The following LRP1B variants were observed in gnomAD, a reference collection of about 807,000 sequenced individuals.
LRP1B encodes the protein low-density lipoprotein receptor-related protein 1B.
A neutral mutation model predicts 556.6 loss-of-function variants in LRP1B; 217 were observed. The observed-to-expected ratio is 0.39, with a 90% CI of 0.35 to 0.44. The LOEUF is 0.44. Ranked by LOEUF, LRP1B falls within the 20% of genes least tolerant of loss-of-function variation. The pLI, the probability that LRP1B is intolerant of heterozygous loss-of-function variation, is 1.00. For missense variants in LRP1B, 5,053 were observed against 5,620.8 expected (o/e 0.90, Z 3.23); for synonymous variants, 2,047 against 1,865.8 (o/e 1.10, Z -2.50).
At chr2:140,646,894 A>G (rs1300178139) in intron 41 of LRP1B, among the ~76,000 whole-genome samples, 1 of 152,180 alleles carries the variant, frequency 6.6e-6, no homozygotes, top group Non-Finnish European at 1.5e-5. Context: ...ACACATATAT[A>G]TGTACATATG....
intron 3 of LRP1B, among the ~76,000 whole-genome samples, chr2:141,331,574 T>C (rs1297996528): frequency 5.3e-5 from 7 of 132,278 alleles, no homozygotes. Context: ...GGAGGGGGAA[T>C]TTCTAATCTT....
intron 3 of LRP1B, among the ~76,000 whole-genome samples, chr2:141,351,098 C>T (rs1018053701): frequency 6.6e-6 from 1 of 151,984 alleles, no homozygotes; most frequent in Non-Finnish European, 1.5e-5. Flanking sequence ...TATCGCCACA[C>T]CAACATGCAC....
chr2:141,657,847 C>T (rs1368051123), intron 2 of LRP1B, among the ~76,000 whole-genome samples: 1 of 152,132 alleles, frequency 6.6e-6, no homozygotes, highest in Non-Finnish European at 1.5e-5. Flanking sequence ...AGTAAAACAT[C>T]CTCCTTTATT....
chr2:140,328,041 GAATC>G (rs777585594), intron 79 of LRP1B, among the ~76,000 whole-genome samples: 2 of 151,878 alleles, frequency 1.3e-5, no homozygotes, highest in Non-Finnish European at 2.9e-5. Context: ...ACAGAGATGA[GAATC>G]AAGTTTATAT....
intron 66 of LRP1B, among the ~76,000 whole-genome samples, chr2:140,419,271 G>A (rs1685332989): frequency 6.6e-6 from 1 of 152,128 alleles, no homozygotes; most frequent in Admixed American, 6.6e-5. Flanking sequence ...CCAAAAATGT[G>A]TGCATTAACA....
chr2:140,245,124 A>G (rs1681096005), intron 87 of LRP1B, among the ~76,000 whole-genome samples: 1 of 151,414 alleles, frequency 6.6e-6, no homozygotes. Context: ...TTCAAAATGC[A>G]TTGATAGTTC....
chr2:141,913,378 T>C (rs1022699899), intron 1 of LRP1B, among the ~76,000 whole-genome samples: 7 of 152,170 alleles, frequency 4.6e-5, no homozygotes, highest in African/African-American at 7.2e-5. Context: ...AATGAATGTA[T>C]GTATTTTCTT....
At chr2:140,632,361 G>A (rs1683917391) in intron 41 of LRP1B, among the ~76,000 whole-genome samples, 2 of 152,112 alleles carry the variant, frequency 1.3e-5, no homozygotes, top group South Asian at 4.1e-4. Flanking sequence ...TGTTTTAAGG[G>A]ATGTGAAGAA....
At chr2:141,680,053 A>G (rs1269131937) in intron 2 of LRP1B, among the ~76,000 whole-genome samples, 1 of 152,040 alleles carries the variant, frequency 6.6e-6, no homozygotes, top group East Asian at 1.9e-4. Context: ...AAAAGAGCCT[A>G]AGAAAATTTC....
At chr2:141,895,430 A>G (rs549983322) in intron 1 of LRP1B, among the ~76,000 whole-genome samples, 1 of 152,208 alleles carries the variant, frequency 6.6e-6, no homozygotes, top group African/African-American at 2.4e-5. Flanking sequence ...TATTTCATTA[A>G]GAAGACTTAC....
intron 1 of LRP1B, among the ~76,000 whole-genome samples, chr2:142,094,660 C>T (rs1264198798): frequency 6.6e-6 from 1 of 151,878 alleles, no homozygotes; most frequent in African/African-American, 2.4e-5. Flanking sequence ...TTAAAAATGA[C>T]TTTCTGTCCT....
chr2:140,528,768 C>G (rs1690551580), intron 47 of LRP1B, among the ~76,000 whole-genome samples: 1 of 151,536 alleles, frequency 6.6e-6, no homozygotes, highest in South Asian at 2.1e-4. Flanking sequence ...GAAGGAGAAT[C>G]CTGTGAGGAA....
chr2:141,473,770 C>CAGTGTTGA (rs1682568964), intron 3 of LRP1B, among the ~76,000 whole-genome samples: 1 of 152,054 alleles, frequency 6.6e-6, no homozygotes, highest in Non-Finnish European at 1.5e-5. Context: ...GCTTTAAGCT[C>CAGTGTTGA]AGTGTTGATG....
chr2:141,630,693 TCCTA>T (rs1688875232), intron 2 of LRP1B, among the ~76,000 whole-genome samples: 11 of 152,160 alleles, frequency 7.2e-5, no homozygotes, highest in Admixed American at 7.2e-4. Flanking sequence ...TGTAATCCCA[TCCTA>T]AATAGAGGAG....
intron 1 of LRP1B, among the ~76,000 whole-genome samples, chr2:141,877,784 C>T (rs545627336): frequency 6.6e-6 from 1 of 151,882 alleles, no homozygotes; most frequent in East Asian, 1.9e-4. Flanking sequence ...GTGGTATTCC[C>T]ATAGAAAAAT....
rs376776948 is a variant in LRP1B, at chr2:141,350,845, G to A, written c.344-96204C>T. Reference sequence around the variant, plus strand: ...ATGAGATGAGCCATAGATTTTGGCCGCCATTGGAATAAGTTATAGATGAGC... The same window carrying A: ...ATGAGATGAGCCATAGATTTTGGCCACCATTGGAATAAGTTATAGATGAGC... On this transcript the variant is annotated intron_variant, in intron 3 of 90. Coordinates refer to ENST00000389484, the MANE Select transcript of LRP1B (RefSeq NM_018557.3). 6.6e-5 allele frequency among the ~76,000 whole-genome samples: 10 copies of A among 152,070 alleles called. No individual in the cohort carries two copies. In the East Asian group the frequency reaches 9.7e-4, roughly 15 times the overall value.
intron 82 of LRP1B, among the ~76,000 whole-genome samples, chr2:140,316,536 A>G (rs748591937): frequency 5.3e-5 from 8 of 152,106 alleles, no homozygotes; most frequent in Non-Finnish European, 8.8e-5. Context: ...TTGTATTTGT[A>G]ATATGAATAA....
intron 1 of LRP1B, among the ~76,000 whole-genome samples, chr2:141,824,809 G>T (rs1198057815): frequency 6.6e-6 from 1 of 152,130 alleles, no homozygotes; most frequent in African/African-American, 2.4e-5. Flanking sequence ...CTCTACAAAG[G>T]TGATATGGTT....
chr2:140,779,557 T>C (rs1689616551), intron 32 of LRP1B, among the ~76,000 whole-genome samples: 1 of 151,964 alleles, frequency 6.6e-6, no homozygotes, highest in Non-Finnish European at 1.5e-5. Context: ...TAGCCAGGCA[T>C]GGTGATGTGC....
Sources: allele counts gnomAD v4.1 joint callset (sites outside exome capture counted in the v4.1 genomes callset), GRCh38; gene constraint gnomAD v4.1.1; transcripts MANE v1.5; gene names NCBI Gene and HGNC (gene_info 2026-07-23, HGNC 2026-07-21).